Variants in GGCT observed in about 807,000 individuals in gnomAD.
GGCT encodes gamma-glutamylcyclotransferase.
A neutral mutation model predicts 22.1 loss-of-function variants in GGCT; 20 were observed. That is an observed-to-expected ratio of 0.91 (90% CI 0.64 to 1.32). GGCT has a LOEUF of 1.32. Ranked by LOEUF, GGCT falls within the 40% of genes most tolerant of loss-of-function variation. The probability of loss-of-function intolerance (pLI) is 0.00; values close to 1 mark genes in which losing one functional copy is unlikely to be tolerated. For synonymous variants in GGCT, 72 were observed against 78.4 expected, an observed-to-expected ratio of 0.92 and a Z score of 0.43; for missense variants, 209 against 223.5, an observed-to-expected ratio of 0.94 and a Z score of 0.41.
intron 3 of GGCT, chr7:30,498,000 C>T: frequency 5.2e-6 from 1 of 190,790 alleles, no homozygotes; most frequent in African/African-American, 2.7e-5. Flanking sequence ...AAAAACATTA[C>T]AAAAGCATAT....
chr7:30,497,222 C>G lies in GGCT; in HGVS notation c.437G>C (p.Gly146Ala), dbSNP rs1439507735. 3.1e-6 allele frequency: 5 copies of G among 1,603,296 alleles called. No homozygotes were observed. The South Asian group carries it at 4.5e-5, about 14-fold the overall frequency. The change falls in exon 4 of 4, where the codon GGT (glycine) becomes GCT (alanine). Residue 146 changes from glycine to alanine, a missense_variant. Physicochemically the swap from Gly to Ala is moderately conservative, Grantham distance 60 (BLOSUM62 0). Transcript: ENST00000275428. ...SPQYKKIICM[G>A]AKENGLPLEY... ...CAGCGGCAAACCATTTTCTTTTGCA[C>G]CCATGCAAATAATCTGGAAATGGTT...
At chr7:30,498,598 T>C (rs1057421842) in intron 3 of GGCT, among the ~76,000 whole-genome samples, 1 of 152,132 alleles carries the variant, frequency 6.6e-6, no homozygotes, top group Non-Finnish European at 1.5e-5. Flanking sequence ...TTTGTATTTT[T>C]AGTAGAGATG....
intron 1 of GGCT, among the ~76,000 whole-genome samples, chr7:30,501,510 C>T (rs951075923): frequency 1.3e-5 from 2 of 152,146 alleles, no homozygotes; most frequent in African/African-American, 4.8e-5. Context: ...TTCCTAAGGT[C>T]TTGGAACTAA....
chr7:30,497,590 G>A (rs1036134286), intron 3 of GGCT: 7 of 428,332 alleles, frequency 1.6e-5, no homozygotes, highest in African/African-American at 4.1e-5. Flanking sequence ...GAGCAGTTTC[G>A]GTTACAACGC....
In GGCT at chr7:30,496,961, CAAGT is replaced by C. The variant is rs1789550960; in HGVS notation, c.*127_*130del. On this transcript the variant is annotated 3_prime_UTR_variant, in exon 4 of 4. Coordinates refer to ENST00000275428, the MANE Select transcript of GGCT (RefSeq NM_024051.4). ...TATAGTCTAAAAACAAGGAATCACC[CAAGT>C]AAGATACTCCTTCAGAGCACTGCTG... 1.8e-6 allele frequency: 1 copy of C among 541,474 alleles called. No homozygotes were observed. Among genetic ancestry groups the C allele is most frequent in the Admixed American group, 3.6e-5 (1 of 27,412 alleles). 33.5% of individuals were successfully genotyped at this position (541,474 alleles called of 1,614,324 possible).
rs4270 is a variant in GGCT at position 30,496,995 on chromosome 7, T to G, written c.*97A>C. On this transcript the variant is annotated 3_prime_UTR_variant, in exon 4 of 4. Coordinates refer to ENST00000275428, the MANE Select transcript of GGCT (RefSeq NM_024051.4). ...TACTCCTTCAGAGCACTGCTGAAAA[T>G]GGATCAAACGTGGAGATCCCCCAGA... 6.1e-5 allele frequency: 46 copies of G among 752,106 alleles called. No homozygotes were observed. Among genetic ancestry groups the G allele is most frequent in the Non-Finnish European group, 9.4e-5 (45 of 479,434 alleles). The allele number at this position is 752,106 out of a possible 1,614,324, so 46.6% of individuals were successfully genotyped here. A position where few individuals can be genotyped will look rare whatever the true frequency, so the allele number is the denominator to read the frequency against.
intron 1 of GGCT, among the ~76,000 whole-genome samples, chr7:30,504,067 C>T (rs987128499): frequency 2.0e-5 from 3 of 152,132 alleles, no homozygotes; most frequent in African/African-American, 7.2e-5. Flanking sequence ...GGTTATAGTT[C>T]ATGCAGCCCC....
At chr7:30,500,903 A>G (rs1192877544) in intron 1 of GGCT, among the ~76,000 whole-genome samples, 4 of 152,252 alleles carry the variant, frequency 2.6e-5, no homozygotes, top group African/African-American at 9.6e-5. Flanking sequence ...TGAAACATAC[A>G]CTGAATATGT....
chr7:30,502,130 G>A (rs1453387863), intron 1 of GGCT, among the ~76,000 whole-genome samples: 1 of 152,152 alleles, frequency 6.6e-6, no homozygotes, highest in Non-Finnish European at 1.5e-5. Flanking sequence ...TTAAATGTTG[G>A]AGTTGCTCAA....
At chr7:30,501,036 T>C (rs1337004119) in intron 1 of GGCT, among the ~76,000 whole-genome samples, 1 of 152,194 alleles carries the variant, frequency 6.6e-6, no homozygotes, top group African/African-American at 2.4e-5. Flanking sequence ...CATAAATTTT[T>C]ACTTAGAGAC....
intron 3 of GGCT, 102 bp downstream of exon 3, chr7:30,498,701 G>A (rs1789619292): frequency 7.8e-6 from 8 of 1,028,660 alleles, no homozygotes; most frequent in Non-Finnish European, 1.0e-5. Context: ...TTACAGGCAT[G>A]AGCCACCACG....
intron 1 of GGCT, 131 bp from the exon 2 acceptor site, chr7:30,500,812 A>T (rs1367183575): frequency 1.6e-6 from 1 of 626,730 alleles, no homozygotes; most frequent in African/African-American, 1.8e-5. Context: ...TCTATGCATA[A>T]GAAGCTGTGG....
intron 1 of GGCT, 47 bp downstream of exon 1, chr7:30,504,522 C>CGA: frequency 6.2e-7 from 1 of 1,608,416 alleles, no homozygotes. Flanking sequence ...GAAGCGCCTT[C>CGA]TGGGCATCCC....
At chr7:30,499,443 C>T (rs1362913493) in intron 2 of GGCT, among the ~76,000 whole-genome samples, 1 of 150,726 alleles carries the variant, frequency 6.6e-6, no homozygotes, top group Non-Finnish European at 1.5e-5. Context: ...GTGGCTCACA[C>T]CTGTAATCCT....
chr7:30,498,006 C>CATATAT lies in GGCT; in HGVS notation c.424-777_424-772dup, dbSNP rs576048451. On this transcript the variant is annotated intron_variant, in intron 3 of 3. Transcript: ENST00000275428. ...TACGGGGAGAAAAACATTACAAAAGCATATATATATATATATAGATACACA... is the reference window on the plus strand; with the variant it reads ...TACGGGGAGAAAAACATTACAAAAGCATATATATATATATATATATATAGATACACA... The CATATAT allele has an allele frequency of 5.9e-3, 1,137 of 193,392 alleles. 15 individuals are homozygous for CATATAT. The highest frequency in any genetic ancestry group is 0.018 in the African/African-American group (716 of 40,906). The allele number at this position is 193,392 out of a possible 1,614,324, so 12.0% of individuals were successfully genotyped here.
intron 1 of GGCT, among the ~76,000 whole-genome samples, chr7:30,501,072 T>TTA (rs1370362860): frequency 1.3e-5 from 2 of 152,164 alleles, no homozygotes; most frequent in Non-Finnish European, 2.9e-5. Context: ...TACATGTGGG[T>TTA]TATAATATTC....
At chr7:30,498,139 C>T (rs1405269729) in intron 3 of GGCT, among the ~76,000 whole-genome samples, 1 of 148,018 alleles carries the variant, frequency 6.8e-6, no homozygotes, top group Non-Finnish European at 1.5e-5. Flanking sequence ...TACTTTAATA[C>T]ATGTCTACAT....
chr7:30,504,457 A>T, intron 1 of GGCT, 112 bp downstream of exon 1: 1 of 1,254,334 alleles, frequency 8.0e-7, no homozygotes, highest in Non-Finnish European at 1.1e-6. Context: ...GCGTCCTAGT[A>T]CCCTCATCAA....
Position 30,497,298 on chromosome 7 carries a change from C to G in GGCT, c.424-63G>C, listed in dbSNP as rs564664024. The G allele has an allele frequency of 3.2e-6, 4 of 1,239,448 alleles. No individual in the cohort carries two copies. In the Admixed American group the frequency reaches 8.8e-5, roughly 27 times the overall value. 76.8% of individuals were successfully genotyped at this position (1,239,448 alleles called of 1,614,324 possible). The stretch of plus-strand genomic sequence containing the variant: ...TCAGTTAGGAATATAATTTAACGTA[C>G]CATACCACAGCTTTATTTGCCTTCT... On this transcript the variant is annotated intron_variant, in intron 3 of 3. Transcript: ENST00000275428.
Sources: allele counts gnomAD v4.1 joint callset (sites outside exome capture counted in the v4.1 genomes callset), GRCh38; gene constraint gnomAD v4.1.1; transcripts MANE v1.5; gene names NCBI Gene and HGNC (gene_info 2026-07-23, HGNC 2026-07-21).